PRRC2C: variants seen among roughly 807,000 people sequenced by gnomAD.
The protein encoded by PRRC2C is proline rich coiled-coil 2C.
Under a neutral mutation model 317.2 loss-of-function variants are expected in PRRC2C, and 72 were observed. That is an observed-to-expected ratio of 0.23 (90% CI 0.19 to 0.28). PRRC2C has a LOEUF of 0.28. Among genes scored for constraint, PRRC2C ranks in the 10% least tolerant of loss-of-function variants. The probability of loss-of-function intolerance (pLI) is 1.00; values close to 1 mark genes in which losing one functional copy is unlikely to be tolerated. For synonymous variants in PRRC2C, 1,296 were observed against 1,205.9 expected, an observed-to-expected ratio of 1.07 and a Z score of -1.55; for missense variants, 3,074 against 3,459.7, an observed-to-expected ratio of 0.89 and a Z score of 2.80.
At position 171,532,860 on chromosome 1, in the gene PRRC2C, T is replaced by C; in HGVS notation, c.1772T>C (p.Leu591Pro). ...AAAGAACAAGAAAAGGAATGTGAGC[T>C]GGAGAAGGAAAGGGAAAAATTAGAG... ...KMKEQEKECE[L>P]EKEREKLEEK... The change falls in exon 12 of 35, where the codon CTG (leucine) becomes CCG (proline). Residue 591 changes from leucine (L) to proline (P), a missense_variant. This residue lies in a region of PRRC2C where 1,320 missense variants were observed against 1,395.7 expected (regional missense o/e 0.95). Coordinates refer to ENST00000647382, the MANE Select transcript of PRRC2C (RefSeq NM_001387844.1). The C allele has an allele frequency of 1.3e-6, 2 of 1,594,970 alleles. No individual in the cohort carries two copies. The highest frequency in any genetic ancestry group is 1.7e-6 in the Non-Finnish European group (2 of 1,175,564).
At chr1:171,528,626 G>A (rs748035370) in intron 11 of PRRC2C, among the ~76,000 whole-genome samples, 1 of 152,002 alleles carries the variant, frequency 6.6e-6, no homozygotes, top group Admixed American at 6.6e-5. Context: ...TATACTTACC[G>A]TCTTTTGCTG....
chr1:171,572,847 A>G (rs1478556993), intron 24 of PRRC2C, among the ~76,000 whole-genome samples: 2 of 152,228 alleles, frequency 1.3e-5, no homozygotes, highest in African/African-American at 4.8e-5. Context: ...TTAACATTCC[A>G]AGAAGAAATA....
chr1:171,524,324 C>T (rs931687617), intron 9 of PRRC2C, among the ~76,000 whole-genome samples: 1 of 151,978 alleles, frequency 6.6e-6, no homozygotes, highest in African/African-American at 2.4e-5. Flanking sequence ...AAAAGTTGGG[C>T]TTTTAAAATA....
intron 1 of PRRC2C, among the ~76,000 whole-genome samples, chr1:171,494,370 T>C (rs904494120): frequency 6.6e-6 from 1 of 152,196 alleles, no homozygotes; most frequent in African/African-American, 2.4e-5. Flanking sequence ...TTTTAAAAAA[T>C]GACCATTTTG....
rs563623654 is a variant in PRRC2C at position 171,528,516 on chromosome 1, A to C, written c.1254+672A>C. Among the ~76,000 whole-genome samples, 8 of 151,704 alleles carry C rather than the reference A, an allele frequency of 5.3e-5. 1 individual carries two copies. Among genetic ancestry groups the C allele is most frequent in the African/African-American group, 1.2e-4 (5 of 41,388 alleles). On this transcript the variant is annotated intron_variant, in intron 11 of 34. Coordinates refer to ENST00000647382, the MANE Select transcript of PRRC2C (RefSeq NM_001387844.1). ...CCGTGTTAGCCAGGACGGTCTCGAT[A>C]TCCTGACCTCGTGATCCGCCCACCT... is the stretch of plus-strand genomic sequence containing the variant.
chr1:171,530,572 A>C (rs953424773), intron 11 of PRRC2C, among the ~76,000 whole-genome samples: 1 of 151,634 alleles, frequency 6.6e-6, no homozygotes, highest in Admixed American at 6.6e-5. Context: ...TTTTTTTTTA[A>C]TATCTTACAA....
Position 171,535,484 on chromosome 1 carries a change from C to G in PRRC2C, c.1930C>G (p.Pro644Ala). 6.2e-7 allele frequency: 1 copy of G among 1,614,008 alleles called. No homozygotes were observed. Among genetic ancestry groups the G allele is most frequent in the Non-Finnish European group, 8.5e-7 (1 of 1,179,872 alleles). ...CAATCGCAGTGAAAAGGAAGCCACA[C>G]CAGTGGTGCATGAAACAGAACCAGA... is the stretch of plus-strand genomic sequence containing the variant. Reference protein sequence around the residue: ...DSNRSEKEATPVVHETEPESG... With the variant: ...DSNRSEKEATAVVHETEPESG... The change falls in exon 13 of 35, where the codon CCA (proline) becomes GCA (alanine). Residue 644 changes from proline to alanine, a missense_variant. By Grantham distance (27) the Pro-to-Ala change is conservative (BLOSUM62 -1). This residue lies in a region of PRRC2C where 1,320 missense variants were observed against 1,395.7 expected (regional missense o/e 0.95). Coordinates refer to ENST00000647382, the MANE Select transcript of PRRC2C (RefSeq NM_001387844.1).
intron 24 of PRRC2C, 58 bp from the exon 25 acceptor site, chr1:171,574,869 A>G: frequency 2.2e-6 from 3 of 1,381,240 alleles, no homozygotes; most frequent in Middle Eastern, 1.8e-4. Flanking sequence ...ATGTATATAC[A>G]TACGTATATT....
At chr1:171,551,420 A>G (rs1305910234) in intron 18 of PRRC2C, among the ~76,000 whole-genome samples, 1 of 151,994 alleles carries the variant, frequency 6.6e-6, no homozygotes. Flanking sequence ...TTGCCTGTTC[A>G]CTCTGATGGT....
At position 171,532,325 on chromosome 1, in the gene PRRC2C, G is replaced by A. The variant is rs913673712; in HGVS notation, c.1255-18G>A. 1.9e-6 allele frequency: 3 copies of A among 1,596,232 alleles called. No individual in the cohort carries two copies. The highest frequency in any genetic ancestry group is 2.6e-6 in the Non-Finnish European group (3 of 1,172,400). On this transcript the variant is annotated intron_variant, in intron 11 of 34. Transcript: ENST00000647382. The stretch of plus-strand genomic sequence containing the variant: ...GAAATAGAGTTGTCATAACTCATCT[G>A]ATACCTTAATGTTTCAGCATCCACC...
rs898582271 is a variant in PRRC2C at position 171,570,641 on chromosome 1, T to C, written c.6652-679T>C. ...TCCAGAGATAAAGGCAGTGAGTTTC[T>C]AATATCTTAAAGTTTCTAACAATAT... On this transcript the variant is annotated intron_variant, in intron 23 of 34. Coordinates refer to ENST00000647382, the MANE Select transcript of PRRC2C (RefSeq NM_001387844.1). 2.6e-5 allele frequency among the ~76,000 whole-genome samples: 4 copies of C among 152,348 alleles called. No individual in the cohort carries two copies. The East Asian group carries it at 7.7e-4, about 29-fold the overall frequency.
intron 14 of PRRC2C, 39 bp downstream of exon 14, chr1:171,536,317 A>T (rs1557942374): frequency 1.9e-6 from 3 of 1,575,110 alleles, no homozygotes; most frequent in African/African-American, 1.3e-5. Flanking sequence ...CAGGATCAAA[A>T]TTTTTTTTTC....
intron 30 of PRRC2C, among the ~76,000 whole-genome samples, chr1:171,585,290 A>C (rs1229995776): frequency 6.6e-6 from 1 of 152,184 alleles, no homozygotes; most frequent in African/African-American, 2.4e-5. Context: ...AGCTATACAT[A>C]CAACAGTGTG....
intron 14 of PRRC2C, among the ~76,000 whole-genome samples, chr1:171,536,676 G>A (rs1676904291): frequency 6.6e-6 from 1 of 152,046 alleles, no homozygotes. Context: ...TTTTAGGTTA[G>A]GGGGAAAAAA....
chr1:171,526,468 G>T (rs1324747240), intron 10 of PRRC2C, among the ~76,000 whole-genome samples: 2 of 152,078 alleles, frequency 1.3e-5, no homozygotes, highest in African/African-American at 4.8e-5. Flanking sequence ...CTCCCAACTA[G>T]CTGGGACTAC....
At chr1:171,577,196 GTTTC>G (rs1203213810) in intron 25 of PRRC2C, among the ~76,000 whole-genome samples, 4 of 151,934 alleles carry the variant, frequency 2.6e-5, no homozygotes, top group Non-Finnish European at 4.4e-5. Flanking sequence ...TTTGTGTTTT[GTTTC>G]TTTCTTGTTT....
rs748999052 is a variant in PRRC2C, at chr1:171,515,840, A to G, written c.507A>G (p.Gly169=). 1 of 1,603,516 alleles carries G rather than the reference A, an allele frequency of 6.2e-7. No individual in the cohort carries two copies. The highest frequency in any genetic ancestry group is 8.5e-7 in the Non-Finnish European group (1 of 1,175,652). Residue 169 remains glycine (G), a synonymous_variant, in exon 5 of 35, where the codon GGA becomes GGG. Coordinates refer to ENST00000647382, the MANE Select transcript of PRRC2C (RefSeq NM_001387844.1). The part of the protein sequence containing the change: ...KETNDDNYGP[G]PSLRPPNVAC... ...CAAATGATGACAACTATGGACCTGGACCCAGTTTACGTCCACCAAGTAAGA... is the reference window on the plus strand; with the variant it reads ...CAAATGATGACAACTATGGACCTGGGCCCAGTTTACGTCCACCAAGTAAGA...
chr1:171,530,312 C>G (rs2102409240), intron 11 of PRRC2C, among the ~76,000 whole-genome samples: 1 of 130,120 alleles, frequency 7.7e-6, no homozygotes, highest in East Asian at 2.6e-4. Context: ...AGCAAGATCT[C>G]AGCTCATTGC....
At chr1:171,513,534 G>C (rs1346727656) in intron 3 of PRRC2C, 2 of 441,634 alleles carry the variant, frequency 4.5e-6, no homozygotes, top group African/African-American at 2.0e-5. Context: ...CCAATTTACT[G>C]TGTATCTCCA....
Sources: allele counts gnomAD v4.1 joint callset (sites outside exome capture counted in the v4.1 genomes callset), GRCh38; gene constraint gnomAD v4.1.1; regional missense constraint gnomAD v4.1.1; transcripts MANE v1.5; gene names NCBI Gene and HGNC (gene_info 2026-07-23, HGNC 2026-07-21).